The following AUTS2 variants were observed in gnomAD, a reference collection of about 807,000 sequenced individuals.
AUTS2 encodes the protein autism susceptibility gene 2 protein.
In AUTS2, 17 loss-of-function variants were observed where a neutral mutation model predicts 112.4. That is an observed-to-expected ratio of 0.15 (90% CI 0.10 to 0.23). The LOEUF (loss-of-function observed/expected upper bound fraction) is 0.23, where lower values mean the gene tolerates loss of function less well. AUTS2 is among the 10% of genes least tolerant of loss of function. The pLI, the probability that AUTS2 is intolerant of heterozygous loss-of-function variation, is 1.00. For synonymous variants in AUTS2, 751 were observed against 702.7 expected, an observed-to-expected ratio of 1.07 and a Z score of -1.09; for missense variants, 1,510 against 1,701.6, an observed-to-expected ratio of 0.89 and a Z score of 1.98.
intron 5 of AUTS2, among the ~76,000 whole-genome samples, chr7:70,489,663 G>A (rs1269522741): frequency 6.6e-6 from 1 of 152,226 alleles, no homozygotes; most frequent in East Asian, 1.9e-4. Flanking sequence ...TTTGACAAAT[G>A]TTTCTTGAGT....
intron 1 of AUTS2, among the ~76,000 whole-genome samples, chr7:69,866,728 G>C (rs904068654): frequency 1.3e-5 from 2 of 152,170 alleles, no homozygotes; most frequent in African/African-American, 4.8e-5. Flanking sequence ...TGGTTAGAAA[G>C]GTAAGAGCCT....
chr7:70,118,190 C>T lies in AUTS2; in HGVS notation c.581C>T (p.Ser194Phe), dbSNP rs150765660. 561 of 1,609,386 alleles carry T rather than the reference C, an allele frequency of 3.5e-4. 1 individual carries two copies. Among genetic ancestry groups the T allele is most frequent in the Non-Finnish European group, 4.4e-4 (517 of 1,178,624 alleles). Residue 194 changes from serine to phenylalanine, a missense_variant, in exon 3 of 19, where the codon TCC becomes TTC. Ser to Phe is a radical substitution (Grantham distance 155). This residue lies in a region of AUTS2 where 535 missense variants were observed against 594.3 expected (regional missense o/e 0.90). Transcript: ENST00000342771. Reference protein sequence around the residue: ...DSDSESASGESKGFHRSSSRE... With the variant: ...DSDSESASGEFKGFHRSSSRE... ...GACAGTGAAAGTGCCAGTGGAGAAT[C>T]CAAGGGCTTCCACCGGAGCAGCTCT...
intron 1 of AUTS2, among the ~76,000 whole-genome samples, chr7:69,822,679 T>G (rs1791050952): frequency 6.6e-6 from 1 of 152,188 alleles, no homozygotes; most frequent in African/African-American, 2.4e-5. Context: ...TTTAAGAGTT[T>G]TAGCACAGGA....
At chr7:70,518,575 T>A (rs1585246133) in intron 5 of AUTS2, among the ~76,000 whole-genome samples, 1 of 151,906 alleles carries the variant, frequency 6.6e-6, no homozygotes, top group East Asian at 2.0e-4. Flanking sequence ...TCCCAGCTAC[T>A]TGGGAGGCTA....
At chr7:70,710,024 C>T (rs1186486156) in intron 6 of AUTS2, among the ~76,000 whole-genome samples, 4 of 152,146 alleles carry the variant, frequency 2.6e-5, no homozygotes. Flanking sequence ...CGGTATTAAC[C>T]TCCAGAATAA....
intron 2 of AUTS2, among the ~76,000 whole-genome samples, chr7:70,107,891 A>G (rs1804857433): frequency 6.6e-6 from 1 of 151,250 alleles, no homozygotes; most frequent in South Asian, 2.1e-4. Flanking sequence ...CGTGCCTGTA[A>G]TCCCAGCTAC....
intron 5 of AUTS2, among the ~76,000 whole-genome samples, chr7:70,538,338 G>A (rs906695171): frequency 1.3e-5 from 2 of 152,110 alleles, no homozygotes; most frequent in African/African-American, 4.8e-5. Context: ...GACCAGCCTG[G>A]CCAATATGGT....
At chr7:69,657,085 A>G (rs937608558) in intron 1 of AUTS2, among the ~76,000 whole-genome samples, 2 of 152,284 alleles carry the variant, frequency 1.3e-5, no homozygotes, top group Admixed American at 1.3e-4. Context: ...AATTAAATAC[A>G]CAGCTGATGA....
chr7:70,543,613 C>G (rs1193576338), intron 5 of AUTS2, among the ~76,000 whole-genome samples: 1 of 152,086 alleles, frequency 6.6e-6, no homozygotes, highest in Non-Finnish European at 1.5e-5. Context: ...TTGCTCCAGC[C>G]TAAGCTGGCC....
chr7:69,838,611 C>T (rs1202950104), intron 1 of AUTS2, among the ~76,000 whole-genome samples: 1 of 152,116 alleles, frequency 6.6e-6, no homozygotes, highest in African/African-American at 2.4e-5. Context: ...AGGAATAGTC[C>T]AGGACCCAAA....
chr7:70,292,332 T>TG (rs1471786389), intron 4 of AUTS2: 1 of 152,274 alleles, frequency 6.6e-6, no homozygotes, highest in African/African-American at 2.4e-5. Context: ...AATGCGTATG[T>TG]GAAAGTACAG....
intron 2 of AUTS2, among the ~76,000 whole-genome samples, chr7:69,977,302 A>G (rs531443159): frequency 2.0e-5 from 3 of 152,262 alleles, no homozygotes; most frequent in African/African-American, 7.2e-5. Context: ...TGGTCTGTTT[A>G]TCTGTCTTCG....
At chr7:70,385,077 C>T (rs1238888975) in intron 4 of AUTS2, among the ~76,000 whole-genome samples, 1 of 152,216 alleles carries the variant, frequency 6.6e-6, no homozygotes, top group Non-Finnish European at 1.5e-5. Flanking sequence ...AGTCATGATA[C>T]AGTTTCCTTA....
At chr7:70,268,900 T>A (rs531095167) in intron 4 of AUTS2, among the ~76,000 whole-genome samples, 1 of 152,158 alleles carries the variant, frequency 6.6e-6, no homozygotes, top group Non-Finnish European at 1.5e-5. Flanking sequence ...GAACACTAAT[T>A]TCTTTAAAAT....
chr7:69,729,968 T>C (rs1786708117), intron 1 of AUTS2, among the ~76,000 whole-genome samples: 1 of 148,528 alleles, frequency 6.7e-6, no homozygotes, highest in African/African-American at 2.5e-5. Context: ...TTAACTGGTA[T>C]GTTTTTTTTT....
At chr7:69,832,542 G>A (rs1272714833) in intron 1 of AUTS2, among the ~76,000 whole-genome samples, 1 of 152,200 alleles carries the variant, frequency 6.6e-6, no homozygotes, top group Non-Finnish European at 1.5e-5. Context: ...GTCAACTGGT[G>A]TTGAATAACA....
At chr7:70,537,465 G>C (rs1800369340) in intron 5 of AUTS2, among the ~76,000 whole-genome samples, 1 of 152,164 alleles carries the variant, frequency 6.6e-6, no homozygotes, top group South Asian at 2.1e-4. Flanking sequence ...TTCCTGAGTT[G>C]ATTTATGTTA....
At chr7:69,879,059 T>G (rs535826775) in intron 1 of AUTS2, among the ~76,000 whole-genome samples, 3 of 152,106 alleles carry the variant, frequency 2.0e-5, no homozygotes, top group Non-Finnish European at 4.4e-5. Flanking sequence ...ATCAGTTATT[T>G]GGTATTATTG....
chr7:70,441,705 C>G (rs1796129760), intron 5 of AUTS2, among the ~76,000 whole-genome samples: 1 of 152,178 alleles, frequency 6.6e-6, no homozygotes, highest in South Asian at 2.1e-4. Context: ...TAAATTCATG[C>G]TAAAAGTTGT....
Sources: allele counts gnomAD v4.1 joint callset (sites outside exome capture counted in the v4.1 genomes callset), GRCh38; gene constraint gnomAD v4.1.1; regional missense constraint gnomAD v4.1.1; transcripts MANE v1.5; gene names NCBI Gene and HGNC (gene_info 2026-07-23, HGNC 2026-07-21).